Variants in AGTPBP1 observed in about 807,000 individuals in gnomAD.
AGTPBP1 encodes the protein cytosolic carboxypeptidase 1.
AGTPBP1 carries 70 observed loss-of-function variants against 143.9 expected under a neutral mutation model. That is an observed-to-expected ratio of 0.49 (90% CI 0.40 to 0.59). AGTPBP1 has a LOEUF of 0.59. Ranked by LOEUF, AGTPBP1 falls within the 20% of genes least tolerant of loss-of-function variation. The probability of loss-of-function intolerance (pLI) is 0.00; values close to 1 mark genes in which losing one functional copy is unlikely to be tolerated. For missense variants in AGTPBP1, 1,229 were observed against 1,464.5 expected, an observed-to-expected ratio of 0.84 and a Z score of 2.62; for synonymous variants, 463 against 500.2, an observed-to-expected ratio of 0.93 and a Z score of 0.99.
intron 1 of AGTPBP1, among the ~76,000 whole-genome samples, chr9:85,733,823 C>A (rs969091442): frequency 6.7e-6 from 1 of 149,270 alleles, no homozygotes; most frequent in Admixed American, 6.6e-5. Flanking sequence ...GTACTGTGAA[C>A]AACAGTACAC....
chr9:85,600,964 C>T (rs1334522203), intron 17 of AGTPBP1, among the ~76,000 whole-genome samples: 6 of 152,192 alleles, frequency 3.9e-5, no homozygotes, highest in Admixed American at 3.9e-4. Context: ...ACAGGGTCCC[C>T]TACCCACAGC....
intron 17 of AGTPBP1, among the ~76,000 whole-genome samples, chr9:85,601,897 A>T (rs1829696299): frequency 6.6e-6 from 1 of 152,170 alleles, no homozygotes; most frequent in Non-Finnish European, 1.5e-5. Context: ...CCACACCCTA[A>T]GCCAGTGAAG....
chr9:85,557,425 T>C (rs187046551), intron 25 of AGTPBP1, among the ~76,000 whole-genome samples: 11 of 152,252 alleles, frequency 7.2e-5, no homozygotes. Context: ...AACTACGATT[T>C]CCAAAGTACA....
intron 25 of AGTPBP1, among the ~76,000 whole-genome samples, chr9:85,556,702 G>T (rs1826366213): frequency 6.6e-6 from 1 of 152,122 alleles, no homozygotes; most frequent in Non-Finnish European, 1.5e-5. Context: ...TGGCTTTAAA[G>T]CAAGAAGCAT....
Position 85,547,138 on chromosome 9 carries a change from A to G in AGTPBP1, c.3652T>C (p.Ser1218Pro). The change falls in exon 26 of 26, where the codon TCT becomes CCT. Residue 1218 changes from serine to proline, a missense_variant. Ser to Pro is a moderately conservative substitution (Grantham distance 74, BLOSUM62 -1). Transcript: ENST00000357081. The part of the protein sequence containing the change: ...PSAQEEVLSD[S>P]ELSRTYLP ...GGTAGGTATGTTCTTGATAATTCAG[A>G]GTCAGAAAGTACTTCTTCTTGAGCA... 6.2e-7 allele frequency: 1 copy of G among 1,612,458 alleles called. No homozygotes were observed. The highest frequency in any genetic ancestry group is 8.5e-7 in the Non-Finnish European group (1 of 1,179,434).
At chr9:85,569,449 G>C (rs1028659172) in intron 25 of AGTPBP1, among the ~76,000 whole-genome samples, 1 of 152,038 alleles carries the variant, frequency 6.6e-6, no homozygotes, top group Non-Finnish European at 1.5e-5. Flanking sequence ...AAGGAAAAAA[G>C]TTTTGCCAAC....
At chr9:85,594,137 G>A (rs1215212111) in intron 18 of AGTPBP1, among the ~76,000 whole-genome samples, 1 of 152,088 alleles carries the variant, frequency 6.6e-6, no homozygotes, top group Non-Finnish European at 1.5e-5. Flanking sequence ...TAATTGGAGA[G>A]GTATTTATAC....
chr9:85,730,180 C>G lies in AGTPBP1; in HGVS notation c.-34+11595G>C, dbSNP rs6559874. On this transcript the variant is annotated intron_variant, in intron 1 of 25. Transcript: ENST00000357081. ...TCTGTGGTAAGATGTGAGAGTTGTT[C>G]CTTAAAGCTCAACCTATGTCTCTTT... 5.3e-3 allele frequency among the ~76,000 whole-genome samples: 805 copies of G among 152,268 alleles called. 7 individuals are homozygous for G. The highest frequency in any genetic ancestry group is 0.019 in the African/African-American group (780 of 41,556).
chr9:85,707,981 G>C (rs887210175), intron 2 of AGTPBP1, among the ~76,000 whole-genome samples: 1 of 152,064 alleles, frequency 6.6e-6, no homozygotes, highest in African/African-American at 2.4e-5. Flanking sequence ...GTTGATGGGT[G>C]TAACAAACCA....
Position 85,727,197 on chromosome 9 carries a change from C to T in AGTPBP1, c.-34+14578G>A, listed in dbSNP as rs139365634. 1.3e-3 allele frequency among the ~76,000 whole-genome samples: 192 copies of T among 152,110 alleles called. 1 individual carries two copies. Among genetic ancestry groups the T allele is most frequent in the African/African-American group, 3.7e-3 (155 of 41,502 alleles). On this transcript the variant is annotated intron_variant, in intron 1 of 25. Transcript: ENST00000357081. Reference sequence around the variant, plus strand: ...CAAAAATCAGCCGGGCATGGTGGCACGCACCTGTAATCCCAGCTACTCGGG... The same window carrying T: ...CAAAAATCAGCCGGGCATGGTGGCATGCACCTGTAATCCCAGCTACTCGGG...
At position 85,592,637 on chromosome 9, in the gene AGTPBP1, A is replaced by C. The variant is rs1415665581; in HGVS notation, c.2491T>G (p.Phe831Val). 1 of 1,612,526 alleles carries C rather than the reference A, an allele frequency of 6.2e-7. No individual in the cohort carries two copies. The highest frequency in any genetic ancestry group is 1.7e-5 in the Admixed American group (1 of 59,788). Residue 831 changes from phenylalanine (F) to valine (V), a missense_variant, in exon 19 of 26, where the codon TTT becomes GTT. Coordinates refer to ENST00000357081, the MANE Select transcript of AGTPBP1 (RefSeq NM_001330701.2). ...QKGKSYYTIT[F>V]TVNFPHKDDV... The stretch of plus-strand genomic sequence containing the variant: ...TCTTTATGTGGAAAATTGACAGTAA[A>C]TGTAATTGTATAGTAGGATTTTCCC...
At chr9:85,742,214 C>T (rs13286766), upstream of AGTPBP1, among the ~76,000 whole-genome samples, 1 of 152,056 alleles carries the variant, frequency 6.6e-6, no homozygotes, top group African/African-American at 2.4e-5. Flanking sequence ...GTGTTCCGCG[C>T]GCTGCCGGTC....
At chr9:85,694,181 C>T (rs1397753716) in intron 2 of AGTPBP1, among the ~76,000 whole-genome samples, 3 of 152,188 alleles carry the variant, frequency 2.0e-5, no homozygotes, top group Non-Finnish European at 2.9e-5. Context: ...TCACTTTTAA[C>T]GGGCTCTATT....
At chr9:85,566,364 C>A (rs1320089915) in intron 25 of AGTPBP1, among the ~76,000 whole-genome samples, 1 of 150,766 alleles carries the variant, frequency 6.6e-6, no homozygotes, top group Non-Finnish European at 1.5e-5. Context: ...ACTGAAAAAA[C>A]AAACAAACAA....
chr9:85,692,856 G>T (rs62569243), intron 2 of AGTPBP1, 43 bp from the exon 3 acceptor site: 2 of 1,595,216 alleles, frequency 1.3e-6, no homozygotes, highest in Non-Finnish European at 1.7e-6. Flanking sequence ...TAAATCAATG[G>T]TGTAAATTCA....
At chr9:85,795,498 G>C in the AGTPBP1 span, among the ~76,000 whole-genome samples, 2 of 152,294 alleles carry the variant, frequency 1.3e-5, no homozygotes, top group South Asian at 2.1e-4. Context: ...AGTTACATTT[G>C]AGTTTGTTCA....
At chr9:85,564,289 T>G (rs1826937295) in intron 25 of AGTPBP1, among the ~76,000 whole-genome samples, 2 of 152,270 alleles carry the variant, frequency 1.3e-5, no homozygotes, top group South Asian at 4.1e-4. Flanking sequence ...GTTTTGGACA[T>G]GCTCAAGAAT....
chr9:85,794,096 G>C, the AGTPBP1 span, among the ~76,000 whole-genome samples: 2 of 152,084 alleles, frequency 1.3e-5, no homozygotes, highest in African/African-American at 4.8e-5. Context: ...AAAATTAGGG[G>C]TGCTTTTTCA....
chr9:85,762,223 A>G, the AGTPBP1 span, among the ~76,000 whole-genome samples: 124 of 152,190 alleles, frequency 8.1e-4, no homozygotes, highest in South Asian at 0.013. Context: ...CGATTCCTCA[A>G]GGATCTAGAA....
Sources: allele counts gnomAD v4.1 joint callset (sites outside exome capture counted in the v4.1 genomes callset), GRCh38; gene constraint gnomAD v4.1.1; transcripts MANE v1.5; gene names NCBI Gene and HGNC (gene_info 2026-07-23, HGNC 2026-07-21).